TFDP2: variants seen among roughly 807,000 people sequenced by gnomAD.
The protein encoded by TFDP2 is transcription factor Dp-2.
TFDP2 carries 17 observed loss-of-function variants against 59.3 expected under a neutral mutation model. The ratio of observed to expected loss-of-function variants is 0.29; its 90% CI spans 0.20 to 0.43. The LOEUF (loss-of-function observed/expected upper bound fraction) is 0.43. Among genes scored for constraint, TFDP2 ranks in the 20% least tolerant of loss-of-function variants. The pLI, the probability that TFDP2 is intolerant of heterozygous loss-of-function variation, is 1.00. For missense variants in TFDP2, 391 were observed against 528.8 expected (o/e 0.74, Z 2.56); for synonymous variants, 180 against 194.7 (o/e 0.92, Z 0.63).
chr3:141,978,500 C>G lies in TFDP2; in HGVS notation c.519+20G>C. Reference sequence around the variant, plus strand: ...TAGCATCATCCATCAAAATCAATGTCAGGTTCATGATTTACATACCGAATC... The same window carrying G: ...TAGCATCATCCATCAAAATCAATGTGAGGTTCATGATTTACATACCGAATC... On this transcript the variant is annotated intron_variant, in intron 7 of 12. Coordinates refer to ENST00000489671, the MANE Select transcript of TFDP2 (RefSeq NM_001178139.2). 1 of 1,598,414 alleles carries G rather than the reference C, an allele frequency of 6.3e-7. No individual in the cohort carries two copies. Among genetic ancestry groups the G allele is most frequent in the Non-Finnish European group, 8.5e-7 (1 of 1,174,596 alleles).
chr3:142,121,474 T>C lies in TFDP2; in HGVS notation c.-92-19633A>G, dbSNP rs1283181691. 6.6e-6 allele frequency among the ~76,000 whole-genome samples: 1 copy of C among 152,182 alleles called. No homozygotes were observed. The highest frequency in any genetic ancestry group is 1.5e-5 in the Non-Finnish European group (1 of 68,026). On this transcript the variant is annotated intron_variant, in intron 1 of 12. Coordinates refer to ENST00000489671, the MANE Select transcript of TFDP2 (RefSeq NM_001178139.2). The surrounding 1 kb of genome is among the most constrained non-coding windows in gnomAD (Gnocchi z 4.3). ...GAGTTAAATTAGTAATAGAGATAAT[T>C]AGTTAAAATTACAGAATTAAGAACT...
intron 1 of TFDP2, among the ~76,000 whole-genome samples, chr3:142,102,553 A>G (rs899994423): frequency 3.3e-5 from 5 of 152,242 alleles, no homozygotes; most frequent in African/African-American, 1.2e-4. Context: ...AGAAAAGAAT[A>G]ATTAATACAC....
chr3:142,051,607 G>T (rs1947633331), intron 3 of TFDP2, among the ~76,000 whole-genome samples: 1 of 151,706 alleles, frequency 6.6e-6, no homozygotes, highest in African/African-American at 2.4e-5. Flanking sequence ...GAGCTACCAA[G>T]AGAGTACAGT....
At chr3:141,973,123 A>ATATT in intron 8 of TFDP2, among the ~76,000 whole-genome samples, 1,435 of 57,796 alleles carry the variant, frequency 0.025, 23 homozygotes, top group Middle Eastern at 0.058. Flanking sequence ...ATATATATAT[A>ATATT]TTTTTTTTTT....
chr3:142,089,341 A>C (rs1286647954), intron 3 of TFDP2, among the ~76,000 whole-genome samples: 1 of 152,214 alleles, frequency 6.6e-6, no homozygotes, highest in African/African-American at 2.4e-5. Context: ...TAACTGAAAA[A>C]AAATAAGCTA....
chr3:141,970,748 CTGA>C (rs1939598921), intron 8 of TFDP2, among the ~76,000 whole-genome samples: 1 of 152,172 alleles, frequency 6.6e-6, no homozygotes, highest in South Asian at 2.1e-4. Context: ...ATGAGGACAG[CTGA>C]TAATACAGAT....
At chr3:142,039,494 C>T (rs576254221) in intron 3 of TFDP2, among the ~76,000 whole-genome samples, 1 of 152,222 alleles carries the variant, frequency 6.6e-6, no homozygotes, top group South Asian at 2.1e-4. Context: ...TCAAGTAAAC[C>T]TCCCACCTCT....
intron 6 of TFDP2, 142 bp from the exon 7 acceptor site, chr3:141,978,824 T>C: frequency 1.6e-6 from 1 of 629,948 alleles, no homozygotes; most frequent in Non-Finnish European, 2.5e-6. Context: ...GATGAGAAAA[T>C]GTTTATTTAA....
chr3:142,024,562 A>G (rs1409708482), intron 3 of TFDP2, among the ~76,000 whole-genome samples: 1 of 151,962 alleles, frequency 6.6e-6, no homozygotes, highest in Non-Finnish European at 1.5e-5. Flanking sequence ...TATAAGGCAG[A>G]AAAAAAAGGC....
chr3:142,105,202 C>CCAT (rs1043728033), intron 1 of TFDP2, among the ~76,000 whole-genome samples: 4 of 152,176 alleles, frequency 2.6e-5, no homozygotes, highest in African/African-American at 9.7e-5. Flanking sequence ...TAAGTCTTTT[C>CCAT]CATCAAATGG....
intron 6 of TFDP2, among the ~76,000 whole-genome samples, chr3:141,989,893 A>T (rs9819939): frequency 0.73 from 105,744 of 145,240 alleles, 39,201 homozygotes; most frequent in Middle Eastern, 0.82. Flanking sequence ...TAATAATAAT[A>T]ATTATTATTA....
intron 3 of TFDP2, among the ~76,000 whole-genome samples, chr3:142,026,506 C>T (rs1946108163): frequency 1.3e-5 from 2 of 152,124 alleles, no homozygotes; most frequent in Admixed American, 6.5e-5. Context: ...TAAACTATAG[C>T]TCAAAAACTT....
At chr3:142,066,562 T>C (rs897760531) in intron 3 of TFDP2, among the ~76,000 whole-genome samples, 1 of 152,182 alleles carries the variant, frequency 6.6e-6, no homozygotes, top group African/African-American at 2.4e-5. Context: ...AGAACAGTGG[T>C]ATGGGTACTC....
At chr3:141,953,047 G>T in intron 11 of TFDP2, 31 bp from the exon 12 acceptor site, 1 of 1,519,542 alleles carries the variant, frequency 6.6e-7, no homozygotes, top group South Asian at 1.1e-5. Context: ...AAAAAATGTC[G>T]GTCCTGCAAG....
chr3:142,034,795 A>G (rs1946611782), intron 3 of TFDP2, among the ~76,000 whole-genome samples: 1 of 151,564 alleles, frequency 6.6e-6, no homozygotes, highest in South Asian at 2.1e-4. Context: ...GGCTCACTGA[A>G]AGCTCTGCCT....
At chr3:142,014,868 T>C (rs955248530) in intron 3 of TFDP2, among the ~76,000 whole-genome samples, 16 of 152,204 alleles carry the variant, frequency 1.1e-4, no homozygotes, top group African/African-American at 3.9e-4. Context: ...ACCAACTAAT[T>C]TGTTGCCCTC....
intron 9 of TFDP2, among the ~76,000 whole-genome samples, chr3:141,968,604 C>CAT (rs1241148652): frequency 9.9e-6 from 1 of 100,558 alleles, no homozygotes; most frequent in African/African-American, 4.1e-5. Flanking sequence ...ATATATATAA[C>CAT]ATATATATCT....
Position 141,963,908 on chromosome 3 carries a change from T to C in TFDP2, c.788A>G (p.Gln263Arg), listed in dbSNP as rs61756224. 7.1e-3 allele frequency: 11,536 copies of C among 1,613,806 alleles called. 57 individuals carry two copies. The highest frequency in any genetic ancestry group is 8.7e-3 in the Non-Finnish European group (10,230 of 1,179,962). The change falls in exon 10 of 13, where the codon CAG becomes CGG. Residue 263 changes from glutamine (Q) to arginine (R), a missense_variant. By Grantham distance (43) the Gln-to-Arg change is conservative. Coordinates refer to ENST00000489671, the MANE Select transcript of TFDP2 (RefSeq NM_001178139.2). The part of the protein sequence containing the change: ...QRNRQNEQQN[Q>R]GPPALNSTIQ... ...GGTAGAGTTCAGAGCCGGCGGGCCC[T>C]GGTTTTGCTGCTCATTTTGTCGATT...
chr3:142,068,655 C>A (rs557673742), intron 3 of TFDP2, among the ~76,000 whole-genome samples: 3 of 151,950 alleles, frequency 2.0e-5, no homozygotes, highest in African/African-American at 7.2e-5. Context: ...CAACCCTTGC[C>A]TCCTGGGCTC....
Sources: allele counts gnomAD v4.1 joint callset (sites outside exome capture counted in the v4.1 genomes callset), GRCh38; gene constraint gnomAD v4.1.1; non-coding constraint Gnocchi (gnomAD v3.1); transcripts MANE v1.5; gene names NCBI Gene and HGNC (gene_info 2026-07-23, HGNC 2026-07-21).